The following ZNF804A variants were observed in gnomAD, a reference collection of about 807,000 sequenced individuals.
The protein encoded by ZNF804A is zinc finger protein 804A.
ZNF804A carries 2 observed loss-of-function variants against 16.5 expected under a neutral mutation model. That is an observed-to-expected ratio of 0.12 (90% CI 0.05 to 0.38). The LOEUF is 0.38. Ranked by LOEUF, ZNF804A falls within the 10% of genes least tolerant of loss-of-function variation. The pLI is 0.99. For synonymous variants in ZNF804A, 534 were observed against 489.6 expected, an observed-to-expected ratio of 1.09 and a Z score of -1.20; for missense variants, 1,473 against 1,390.7, an observed-to-expected ratio of 1.06 and a Z score of -0.94.
intron 2 of ZNF804A, among the ~76,000 whole-genome samples, chr2:184,919,444 G>A (rs1215285158): frequency 2.6e-5 from 4 of 152,270 alleles, no homozygotes; most frequent in African/African-American, 7.2e-5. Flanking sequence ...TGCCACCATG[G>A]CCTCTTTGTT....
chr2:184,705,101 A>T (rs1374588900), intron 1 of ZNF804A, among the ~76,000 whole-genome samples: 1 of 152,230 alleles, frequency 6.6e-6, no homozygotes, highest in African/African-American at 2.4e-5. Context: ...GCCTAAGCAG[A>T]GATGAGACTG....
intron 1 of ZNF804A, among the ~76,000 whole-genome samples, chr2:184,689,358 G>A (rs62176214): frequency 6.6e-6 from 1 of 152,008 alleles, no homozygotes; most frequent in Non-Finnish European, 1.5e-5. Context: ...CCTGACATTA[G>A]CAGTCTAGTG....
At chr2:184,818,944 C>A (rs1169155395) in intron 1 of ZNF804A, among the ~76,000 whole-genome samples, 1 of 152,050 alleles carries the variant, frequency 6.6e-6, no homozygotes, top group African/African-American at 2.4e-5. Flanking sequence ...GAGACTAGGA[C>A]TCCCACACAA....
intron 1 of ZNF804A, among the ~76,000 whole-genome samples, chr2:184,708,836 A>G (rs948571590): frequency 2.0e-5 from 3 of 152,086 alleles, no homozygotes; most frequent in African/African-American, 7.2e-5. Context: ...TGCTTTAAAC[A>G]TCTCAAGGAT....
intron 1 of ZNF804A, among the ~76,000 whole-genome samples, chr2:184,848,322 T>C (rs899705834): frequency 6.6e-6 from 1 of 152,060 alleles, no homozygotes; most frequent in African/African-American, 2.4e-5. Flanking sequence ...CACAATATGA[T>C]AACCACTTTT....
At chr2:184,790,429 T>C (rs900995408) in intron 1 of ZNF804A, among the ~76,000 whole-genome samples, 10 of 152,052 alleles carry the variant, frequency 6.6e-5, no homozygotes, top group African/African-American at 2.4e-4. Context: ...TCTATTGATA[T>C]CAGTGGGATG....
intron 2 of ZNF804A, among the ~76,000 whole-genome samples, chr2:184,919,609 A>C (rs1397925102): frequency 6.6e-6 from 1 of 152,210 alleles, no homozygotes; most frequent in Non-Finnish European, 1.5e-5. Flanking sequence ...GTCTATCCAC[A>C]TACCCAATCC....
chr2:184,859,764 A>G (rs769818270), intron 1 of ZNF804A, among the ~76,000 whole-genome samples: 17 of 152,230 alleles, frequency 1.1e-4, no homozygotes, highest in Non-Finnish European at 1.9e-4. Context: ...CAGTCTGTCC[A>G]GAGATTCTGA....
chr2:184,938,926 T>G lies in ZNF804A; in HGVS notation c.3530T>G (p.Leu1177Arg). The G allele has an allele frequency of 1.2e-6, 2 of 1,614,022 alleles. No homozygotes were observed. The highest frequency in any genetic ancestry group is 1.3e-5 in the African/African-American group (1 of 75,032). The change falls in exon 4 of 4, where the codon CTT (leucine) becomes CGT (arginine). Residue 1177 changes from leucine (L) to arginine (R), a missense_variant. Transcript: ENST00000302277. ...ATGCCAATCATTCCAGCTTCCGTTC[T>G]TCATCCTAGCCATCTGGCTTTCCCA... ...PQMPIIPASVLHPSHLAFPSL... is the reference protein window; with the variant it reads ...PQMPIIPASVRHPSHLAFPSL...
chr2:184,811,017 A>G (rs547265910), intron 1 of ZNF804A, among the ~76,000 whole-genome samples: 37 of 152,316 alleles, frequency 2.4e-4, no homozygotes, highest in Middle Eastern at 6.8e-3. Flanking sequence ...ACTCTTTCAA[A>G]GTGAGAGTAA....
chr2:184,624,139 A>C (rs1691460468), intron 1 of ZNF804A, among the ~76,000 whole-genome samples: 1 of 152,130 alleles, frequency 6.6e-6, no homozygotes, highest in Admixed American at 6.6e-5. Flanking sequence ...AGATTAAAGG[A>C]GTGTTGGCTC....
At chr2:184,764,313 T>C (rs1164451761) in intron 1 of ZNF804A, among the ~76,000 whole-genome samples, 1 of 152,194 alleles carries the variant, frequency 6.6e-6, no homozygotes, top group Non-Finnish European at 1.5e-5. Context: ...GGTCATTAAT[T>C]TTAGCCAAAA....
At chr2:184,914,531 A>G (rs1443102024) in intron 2 of ZNF804A, among the ~76,000 whole-genome samples, 1 of 152,164 alleles carries the variant, frequency 6.6e-6, no homozygotes, top group Non-Finnish European at 1.5e-5. Flanking sequence ...TACAAATCTT[A>G]AGCCAAATTT....
At chr2:184,762,630 G>A (rs922536451) in intron 1 of ZNF804A, among the ~76,000 whole-genome samples, 3 of 151,784 alleles carry the variant, frequency 2.0e-5, no homozygotes, top group African/African-American at 4.8e-5. Context: ...ATTAATGAAG[G>A]CTGTATAAGG....
intron 1 of ZNF804A, among the ~76,000 whole-genome samples, chr2:184,710,320 A>C (rs915445707): frequency 2.6e-5 from 4 of 151,620 alleles, no homozygotes; most frequent in African/African-American, 9.7e-5. Context: ...TACTGTTGTG[A>C]GCCCTGAATT....
intron 1 of ZNF804A, among the ~76,000 whole-genome samples, chr2:184,662,984 C>A (rs1420297691): frequency 6.6e-6 from 1 of 152,186 alleles, no homozygotes; most frequent in Admixed American, 6.5e-5. Flanking sequence ...GGTTACCATA[C>A]AAGATATTTA....
At chr2:184,649,567 A>G (rs1691946382) in intron 1 of ZNF804A, among the ~76,000 whole-genome samples, 1 of 152,098 alleles carries the variant, frequency 6.6e-6, no homozygotes. Flanking sequence ...AAATGAGCAC[A>G]ATAAAAAATG....
chr2:184,840,646 C>T (rs966917564), intron 1 of ZNF804A, among the ~76,000 whole-genome samples: 9 of 152,026 alleles, frequency 5.9e-5, no homozygotes, highest in Non-Finnish European at 8.8e-5. Flanking sequence ...TATTTACTGA[C>T]CCCCTTATTT....
rs540553184 is a variant in ZNF804A, at chr2:184,874,678, C to A, written c.255+8166C>A. ...TTAATCAATATTAAAATAAAATTTT[C>A]TATGAAAAATCAAAAGGCAGTGGCA... On this transcript the variant is annotated intron_variant, in intron 2 of 3. Coordinates refer to ENST00000302277, the MANE Select transcript of ZNF804A (RefSeq NM_194250.2). 5.9e-5 allele frequency among the ~76,000 whole-genome samples: 9 copies of A among 152,178 alleles called. No individual in the cohort carries two copies. The South Asian group carries it at 1.9e-3, about 32-fold the overall frequency.
Sources: allele counts gnomAD v4.1 joint callset (sites outside exome capture counted in the v4.1 genomes callset), GRCh38; gene constraint gnomAD v4.1.1; transcripts MANE v1.5; gene names NCBI Gene and HGNC (gene_info 2026-07-23, HGNC 2026-07-21).